ITCH: variants seen among roughly 807,000 people sequenced by gnomAD.
ITCH encodes the protein E3 ubiquitin-protein ligase Itchy homolog.
In ITCH, 28 loss-of-function variants were observed where a neutral mutation model predicts 126.8. The observed-to-expected ratio is 0.22, with a 90% CI of 0.16 to 0.30. The LOEUF (loss-of-function observed/expected upper bound fraction) is 0.30, where lower values mean the gene tolerates loss of function less well. ITCH is among the 10% of genes least tolerant of loss of function. ITCH has a pLI of 1.00. For missense variants in ITCH, 631 were observed against 1,032.4 expected (o/e 0.61, Z 5.33); for synonymous variants, 342 against 340.0 (o/e 1.01, Z -0.06).
chr20:34,422,599 A>G (rs922438593), intron 6 of ITCH, among the ~76,000 whole-genome samples: 5 of 151,918 alleles, frequency 3.3e-5, no homozygotes, highest in Admixed American at 1.3e-4. Context: ...TAACATCTTT[A>G]TTGAGTTGTA....
At chr20:34,480,829 A>G in intron 19 of ITCH, 97 bp downstream of exon 19, 1 of 1,094,468 alleles carries the variant, frequency 9.1e-7, no homozygotes, top group Non-Finnish European at 1.3e-6. Context: ...TAATTGGTTT[A>G]TTGTATTTAA....
intron 2 of ITCH, among the ~76,000 whole-genome samples, chr20:34,386,095 G>GTTTTTTTTTTTGTT (rs542126572): frequency 3.5e-5 from 5 of 144,716 alleles, no homozygotes; most frequent in African/African-American, 1.3e-4. Context: ...CGGCTCCTTT[G>GTTTTTTTTTTTGTT]TTTTTTTTTT....
chr20:34,465,853 CAG>C, intron 14 of ITCH, among the ~76,000 whole-genome samples: 1 of 151,758 alleles, frequency 6.6e-6, no homozygotes. Context: ...CTTCTGAAAA[CAG>C]ATAAGTTTTC....
intron 12 of ITCH, 97 bp downstream of exon 12, chr20:34,449,577 G>T: frequency 2.4e-6 from 2 of 842,694 alleles, no homozygotes; most frequent in Non-Finnish European, 2.0e-6. Context: ...CTGATACTGT[G>T]CTCTTGCTTG....
chr20:34,476,499 G>C (rs1217321504), intron 16 of ITCH: 9 of 1,190,406 alleles, frequency 7.6e-6, no homozygotes, highest in Non-Finnish European at 9.4e-6. Context: ...AACTCAAAAG[G>C]AATTATTTAA....
At chr20:34,395,059 C>T (rs965148275) in intron 3 of ITCH, among the ~76,000 whole-genome samples, 2 of 151,810 alleles carry the variant, frequency 1.3e-5, no homozygotes, top group African/African-American at 4.8e-5. Flanking sequence ...TGGTGAAACC[C>T]CGTCTCTATT....
At chr20:34,416,147 C>G (rs945595768) in intron 6 of ITCH, among the ~76,000 whole-genome samples, 4 of 152,036 alleles carry the variant, frequency 2.6e-5, no homozygotes, top group Non-Finnish European at 5.9e-5. Context: ...GCCTGTAATC[C>G]CAGCACTCTG....
intron 14 of ITCH, among the ~76,000 whole-genome samples, chr20:34,465,630 T>G (rs1325338244): frequency 6.6e-6 from 1 of 152,190 alleles, no homozygotes; most frequent in Non-Finnish European, 1.5e-5. Flanking sequence ...GTCTTTTGCC[T>G]TCTTGATTAA....
rs896495488 is a variant in ITCH at position 34,450,206 on chromosome 20, T to G, written c.1210+726T>G. ...GGTTTTGATGCTGTACGTAGTTATA[T>G]AAGATGTCACCATCGGAGAAAAATG... On this transcript the variant is annotated intron_variant, in intron 12 of 24. Coordinates refer to ENST00000374864, the MANE Select transcript of ITCH (RefSeq NM_031483.7). 2.6e-5 allele frequency among the ~76,000 whole-genome samples: 4 copies of G among 152,218 alleles called. No individual in the cohort carries two copies. In the East Asian group the frequency reaches 7.7e-4, roughly 29 times the overall value.
chr20:34,373,279 ATT>A (rs540547732), intron 2 of ITCH, among the ~76,000 whole-genome samples: 28 of 126,690 alleles, frequency 2.2e-4, no homozygotes, highest in Admixed American at 4.0e-4. Context: ...GGCCAAATGT[ATT>A]TTTTTTTTTT....
At chr20:34,495,294 A>AATATATATAT (rs56706640) in intron 23 of ITCH, among the ~76,000 whole-genome samples, 226 of 120,472 alleles carry the variant, frequency 1.9e-3, no homozygotes, top group African/African-American at 6.8e-3. Context: ...AAATAAATAA[A>AATATATATAT]ATATATATAT....
intron 23 of ITCH, among the ~76,000 whole-genome samples, chr20:34,498,728 A>G (rs1447287960): frequency 3.3e-5 from 5 of 151,394 alleles, no homozygotes; most frequent in Admixed American, 6.6e-5. Context: ...GGATTTTTGC[A>G]TCTGTGTTCA....
intron 14 of ITCH, among the ~76,000 whole-genome samples, chr20:34,468,100 T>G (rs898523588): frequency 1.3e-5 from 2 of 148,846 alleles, no homozygotes; most frequent in African/African-American, 5.0e-5. Context: ...AGTGGCACAA[T>G]CTCAGCTCAC....
chr20:34,438,688 C>G, intron 8 of ITCH, 57 bp downstream of exon 8: 2 of 1,574,910 alleles, frequency 1.3e-6, no homozygotes, highest in Non-Finnish European at 1.7e-6. Context: ...GCAATTAATC[C>G]TCAGGTAAGT....
At chr20:34,372,516 G>A (rs373315879) in intron 2 of ITCH, among the ~76,000 whole-genome samples, 132 of 149,754 alleles carry the variant, frequency 8.8e-4, no homozygotes, top group African/African-American at 3.1e-3. Flanking sequence ...GAGTAGCTGG[G>A]ATTACAGGCA....
chr20:34,399,737 A>G (rs2038804148), intron 3 of ITCH, among the ~76,000 whole-genome samples: 2 of 150,824 alleles, frequency 1.3e-5, no homozygotes, highest in Non-Finnish European at 3.0e-5. Flanking sequence ...GCTACTCGGG[A>G]GGCTGAGGCA....
chr20:34,454,817 GTTTTTTTTTTTT>G (rs200486269), intron 12 of ITCH, among the ~76,000 whole-genome samples: 24 of 109,556 alleles, frequency 2.2e-4, no homozygotes, highest in Middle Eastern at 4.7e-3. Flanking sequence ...TTCTTTTCCT[GTTTTTTTTTTTT>G]TTTTTTTTTT....
At chr20:34,431,688 G>A (rs1982313970) in intron 7 of ITCH, among the ~76,000 whole-genome samples, 6 of 152,060 alleles carry the variant, frequency 3.9e-5, no homozygotes, top group Admixed American at 3.9e-4. Context: ...ATGAGAAGTG[G>A]GAGTACAAGA....
At position 34,463,423 on chromosome 20, in the gene ITCH, T is replaced by C. The variant is rs1000628890; in HGVS notation, c.1424+1202T>C. ...CCTACTTCGATGACTTTTGTATCTG[T>C]ACCCAAAAGTTAGGGTTAGGGTTAG... On this transcript the variant is annotated intron_variant, in intron 14 of 24. Transcript: ENST00000374864. Among the ~76,000 whole-genome samples, 3 of 152,220 alleles carry C rather than the reference T, an allele frequency of 2.0e-5. No individual in the cohort carries two copies. The South Asian group carries it at 6.2e-4, about 31-fold the overall frequency.
Sources: allele counts gnomAD v4.1 joint callset (sites outside exome capture counted in the v4.1 genomes callset), GRCh38; gene constraint gnomAD v4.1.1; transcripts MANE v1.5; gene names NCBI Gene and HGNC (gene_info 2026-07-23, HGNC 2026-07-21).